The following ACP3 variants were observed in gnomAD, a reference collection of about 807,000 sequenced individuals.
ACP3 encodes prostatic acid phosphatase.
In ACP3, 38 loss-of-function variants were observed where a neutral mutation model predicts 45.6. The observed-to-expected ratio is 0.83, with a 90% confidence interval of 0.64 to 1.09. The LOEUF is 1.09. Among genes scored for constraint, ACP3 ranks in the 50% least tolerant of loss-of-function variants. The probability of loss-of-function intolerance (pLI) is 0.00; values close to 1 mark genes in which losing one functional copy is unlikely to be tolerated. For missense variants in ACP3, 466 were observed against 463.2 expected (o/e 1.01, Z -0.05); for synonymous variants, 162 against 164.7 (o/e 0.98, Z 0.13).
chr3:132,337,417 T>G, intron 4 of ACP3, 39 bp from the exon 5 acceptor site: 2 of 1,358,366 alleles, frequency 1.5e-6, no homozygotes, highest in Non-Finnish European at 2.1e-6. Flanking sequence ...AAAGTTTTTC[T>G]GACTCATAAC....
chr3:132,358,476 A>G lies in ACP3; in HGVS notation c.*1598A>G. ...TCATGATATAGCTTTGCCATGTGGC[A>G]GATCTACATGTCTAGAGAACACTGT... On this transcript the variant is annotated 3_prime_UTR_variant, in exon 10 of 10. Transcript: ENST00000336375. 1 of 1,276,178 alleles carries G rather than the reference A, an allele frequency of 7.8e-7. No individual in the cohort carries two copies. Among genetic ancestry groups the G allele is most frequent in the Non-Finnish European group, 1.0e-6 (1 of 981,054 alleles). 79.1% of individuals were successfully genotyped at this position (1,276,178 alleles called of 1,614,324 possible).
chr3:132,360,339 G>A (rs2107822189), downstream of ACP3, among the ~76,000 whole-genome samples: 1 of 150,880 alleles, frequency 6.6e-6, no homozygotes, highest in African/African-American at 2.4e-5. Context: ...AACAATACAG[G>A]ACACTTAGGA....
At chr3:132,332,559 T>C (rs1177503815) in intron 4 of ACP3, 2 of 542,772 alleles carry the variant, frequency 3.7e-6, no homozygotes, top group Non-Finnish European at 6.3e-6. Flanking sequence ...TATGATCCAC[T>C]TTGTTTTGCC....
In ACP3 at chr3:132,317,495, C is replaced by A. The variant is rs767253589; in HGVS notation, c.39C>A (p.Ser13Arg). The A allele has an allele frequency of 6.2e-7, 1 of 1,613,722 alleles. No individual in the cohort carries two copies. The highest frequency in any genetic ancestry group is 8.5e-7 in the Non-Finnish European group (1 of 1,179,784). The stretch of plus-strand genomic sequence containing the variant: ...CCCTCCTCCTGGCCAGGGCAGCAAG[C>A]CTTAGCCTTGGCTTCTTGTTTCTGC... The part of the protein sequence containing the change: ...AAPLLLARAA[S>R]LSLGFLFLLF... The change falls in exon 1 of 10, where the codon AGC (serine) becomes AGA (arginine). Residue 13 changes from serine (S) to arginine (R), a missense_variant. Ser to Arg is a moderately radical substitution (Grantham distance 110, BLOSUM62 -1). Coordinates refer to ENST00000336375, the MANE Select transcript of ACP3 (RefSeq NM_001099.5).
chr3:132,353,575 G>C (rs17182582), intron 9 of ACP3, among the ~76,000 whole-genome samples: 17,969 of 152,212 alleles, frequency 0.12, 1,348 homozygotes, highest in Non-Finnish European at 0.18. Flanking sequence ...ATAAGAGCAA[G>C]GAAAGGGCTG....
downstream of ACP3, among the ~76,000 whole-genome samples, chr3:132,363,593 C>T (rs1416169854): frequency 6.6e-6 from 1 of 152,174 alleles, no homozygotes; most frequent in Non-Finnish European, 1.5e-5. Context: ...CTCTATCAAG[C>T]CTAATGTATC....
At chr3:132,352,574 A>G in intron 8 of ACP3, 146 bp from the exon 9 acceptor site, 2 of 619,496 alleles carry the variant, frequency 3.2e-6, no homozygotes, top group South Asian at 3.8e-5. Flanking sequence ...ATGCTCAACC[A>G]AAATCTTTCC....
Position 132,332,267 on chromosome 3 carries a change from G to A in ACP3, c.379G>A (p.Glu127Lys). Residue 127 changes from glutamate (E) to lysine (K), a missense_variant, in exon 4 of 10, where the codon GAA becomes AAA. Physicochemically the swap from Glu to Lys is moderately conservative, Grantham distance 56. Coordinates refer to ENST00000336375, the MANE Select transcript of ACP3 (RefSeq NM_001099.5). The part of the protein sequence containing the change: ...MTNLAALFPP[E>K]GVSIWNPILL... The stretch of plus-strand genomic sequence containing the variant: ...AAACCTGGCAGCCCTGTTTCCCCCA[G>A]AAGGTGTCAGCATCTGGAATCCTAT... The A allele has an allele frequency of 6.2e-7, 1 of 1,614,118 alleles. No homozygotes were observed. Among genetic ancestry groups the A allele is most frequent in the South Asian group, 1.1e-5 (1 of 91,078 alleles).
chr3:132,351,449 C>G (rs952991783), intron 8 of ACP3, among the ~76,000 whole-genome samples: 6 of 152,218 alleles, frequency 3.9e-5, no homozygotes, highest in Non-Finnish European at 7.4e-5. Context: ...ATCTCCATGA[C>G]AAAAGGTTTC....
In ACP3 at chr3:132,352,716, G is replaced by A. The variant is rs976552615; in HGVS notation, c.865-4G>A. 6.2e-7 allele frequency: 1 copy of A among 1,604,688 alleles called. No individual in the cohort carries two copies. The highest frequency in any genetic ancestry group is 2.2e-5 in the East Asian group (1 of 44,798). ...GGCGATAAAATTGATTTCAATCTCT[G>A]TAGCATGACACTACTGTGAGTGGCC... On this transcript the variant is annotated splice_region_variant and splice_polypyrimidine_tract_variant and intron_variant, in intron 8 of 9. Coordinates refer to ENST00000336375, the MANE Select transcript of ACP3 (RefSeq NM_001099.5).
At chr3:132,341,000 T>C (rs1246014169) in intron 5 of ACP3, among the ~76,000 whole-genome samples, 1 of 152,190 alleles carries the variant, frequency 6.6e-6, no homozygotes. Context: ...CCTAAGAATA[T>C]GGTACATGTT....
chr3:132,342,795 T>C (rs1403970898), intron 6 of ACP3, 151 bp downstream of exon 6: 3 of 485,480 alleles, frequency 6.2e-6, no homozygotes, highest in African/African-American at 4.0e-5. Flanking sequence ...AACTTCCTTA[T>C]ATTAACTTGA....
downstream of ACP3, among the ~76,000 whole-genome samples, chr3:132,359,012 G>C (rs548942424): frequency 6.6e-6 from 1 of 152,298 alleles, no homozygotes; most frequent in African/African-American, 2.4e-5. Context: ...ATCTATTTAA[G>C]ATGGAATTTG....
chr3:132,326,766 C>G (rs950052700), intron 1 of ACP3, among the ~76,000 whole-genome samples: 2 of 152,122 alleles, frequency 1.3e-5, no homozygotes, highest in African/African-American at 4.8e-5. Flanking sequence ...AGAGCAGGTT[C>G]TTAGCTTACT....
intron 1 of ACP3, among the ~76,000 whole-genome samples, chr3:132,323,350 G>A (rs1017162713): frequency 6.6e-6 from 1 of 152,156 alleles, no homozygotes; most frequent in African/African-American, 2.4e-5. Flanking sequence ...TCCAGGCACT[G>A]TTTTGGGGTT....
intron 9 of ACP3, among the ~76,000 whole-genome samples, chr3:132,354,687 T>C (rs896428511): frequency 2.0e-5 from 3 of 152,172 alleles, no homozygotes; most frequent in Non-Finnish European, 4.4e-5. Context: ...TTTTCAACCA[T>C]CTTAAATACG....
At chr3:132,353,359 T>C (rs915500437) in intron 9 of ACP3, among the ~76,000 whole-genome samples, 5 of 152,178 alleles carry the variant, frequency 3.3e-5, no homozygotes, top group African/African-American at 9.7e-5. Flanking sequence ...TTCACCAGAA[T>C]TGACCCATGA....
intron 1 of ACP3, among the ~76,000 whole-genome samples, chr3:132,325,262 T>C (rs1937277671): frequency 6.6e-6 from 1 of 152,162 alleles, no homozygotes; most frequent in Non-Finnish European, 1.5e-5. Flanking sequence ...GGAGAATGGT[T>C]TATTAAGTGT....
intron 6 of ACP3, among the ~76,000 whole-genome samples, chr3:132,342,887 A>G (rs1053156697): frequency 5.6e-5 from 8 of 143,616 alleles, no homozygotes; most frequent in East Asian, 1.9e-4. Flanking sequence ...CTTTTCTTCT[A>G]TGAGTTTCCA....
Sources: allele counts gnomAD v4.1 joint callset (sites outside exome capture counted in the v4.1 genomes callset), GRCh38; gene constraint gnomAD v4.1.1; transcripts MANE v1.5; gene names NCBI Gene and HGNC (gene_info 2026-07-23, HGNC 2026-07-21).